Variants in LDAH observed in about 807,000 individuals in gnomAD.
LDAH encodes the protein lipid droplet associated hydrolase, also known as lipid droplet-associated hydrolase.
Under a neutral mutation model 29.6 loss-of-function variants are expected in LDAH, and 26 were observed. The observed-to-expected ratio is 0.88, with a 90% CI of 0.64 to 1.22. LDAH has a LOEUF of 1.22. Ranked by LOEUF, LDAH falls within the 50% of genes most tolerant of loss-of-function variation. The pLI is 0.00. For missense variants in LDAH, 344 were observed against 387.3 expected (o/e 0.89, Z 0.94); for synonymous variants, 117 against 133.0 (o/e 0.88, Z 0.83).
intron 4 of LDAH, 30 bp from the exon 5 acceptor site, chr2:20,740,235 G>T: frequency 6.8e-7 from 1 of 1,481,118 alleles, no homozygotes; most frequent in Non-Finnish European, 9.4e-7. Context: ...TTTGATGAGA[G>T]GTTTTCTTAA....
intron 5 of LDAH, among the ~76,000 whole-genome samples, chr2:20,736,452 T>C (rs1277583667): frequency 6.6e-6 from 1 of 151,506 alleles, no homozygotes; most frequent in Non-Finnish European, 1.5e-5. Flanking sequence ...AAAAAATATA[T>C]AATAATAATA....
At chr2:20,818,722 T>G (rs1673034838) in intron 1 of LDAH, among the ~76,000 whole-genome samples, 1 of 152,132 alleles carries the variant, frequency 6.6e-6, no homozygotes. Flanking sequence ...GCAAAATAAA[T>G]TCTACAGTCT....
intron 3 of LDAH, among the ~76,000 whole-genome samples, chr2:20,777,502 G>A (rs748127101): frequency 1.1e-4 from 16 of 152,086 alleles, no homozygotes; most frequent in Non-Finnish European, 1.9e-4. Context: ...TCAGCTCACT[G>A]CAACCTCCGC....
rs1281711573 is a variant in LDAH at position 20,685,559 on chromosome 2, A to G, written c.*1344T>C. 6.4e-7 allele frequency: 1 copy of G among 1,550,490 alleles called. No individual in the cohort carries two copies. Among genetic ancestry groups the G allele is most frequent in the African/African-American group, 1.4e-5 (1 of 73,170 alleles). On this transcript the variant is annotated 3_prime_UTR_variant, in exon 7 of 7. Coordinates refer to ENST00000237822, the MANE Select transcript of LDAH (RefSeq NM_021925.4). The stretch of plus-strand genomic sequence containing the variant: ...ATTCAGCACTTACCAATAAGTTGGC[A>G]GCAAATCAGAGCCAAATCTTTCATC...
intron 1 of LDAH, among the ~76,000 whole-genome samples, chr2:20,803,774 A>G (rs1243323436): frequency 6.6e-6 from 1 of 152,180 alleles, no homozygotes; most frequent in Non-Finnish European, 1.5e-5. Flanking sequence ...TCCGTCCTTC[A>G]TTGGGTACTT....
chr2:20,811,718 T>C (rs888944125), intron 1 of LDAH, among the ~76,000 whole-genome samples: 27 of 151,994 alleles, frequency 1.8e-4, no homozygotes, highest in Non-Finnish European at 4.4e-5. Context: ...TCTCCTGACC[T>C]CGTGATCCAC....
chr2:20,684,719 C>G lies in LDAH; in HGVS notation c.*2184G>C. 1 of 694,978 alleles carries G rather than the reference C, an allele frequency of 1.4e-6. No individual in the cohort carries two copies. 43.1% of individuals were successfully genotyped at this position (694,978 alleles called of 1,614,324 possible). A position where few individuals can be genotyped will look rare whatever the true frequency, so the allele number is the denominator to read the frequency against. On this transcript the variant is annotated 3_prime_UTR_variant, in exon 7 of 7. Coordinates refer to ENST00000237822, the MANE Select transcript of LDAH (RefSeq NM_021925.4). ...TGGCTGGGAACAGACTAGGAACAAACACGGGTGTGGTCAAAGCTCAATCGC... is the reference window on the plus strand; with the variant it reads ...TGGCTGGGAACAGACTAGGAACAAAGACGGGTGTGGTCAAAGCTCAATCGC...
intron 2 of LDAH, among the ~76,000 whole-genome samples, chr2:20,796,851 T>C (rs1366261295): frequency 2.0e-5 from 3 of 152,198 alleles, no homozygotes; most frequent in Non-Finnish European, 4.4e-5. Flanking sequence ...ATTCAAAACA[T>C]GGTCTCAACT....
intron 3 of LDAH, among the ~76,000 whole-genome samples, chr2:20,777,756 A>G (rs1233661315): frequency 1.3e-5 from 2 of 152,186 alleles, no homozygotes; most frequent in East Asian, 3.8e-4. Context: ...ATATTATTTT[A>G]CTAGCAGAAA....
chr2:20,767,075 C>A (rs1009210682), intron 4 of LDAH, among the ~76,000 whole-genome samples: 6 of 152,218 alleles, frequency 3.9e-5, no homozygotes, highest in Non-Finnish European at 7.4e-5. Flanking sequence ...CTCCCAGCTG[C>A]CCCTGAATGC....
chr2:20,684,965 A>C lies in LDAH; in HGVS notation c.*1938T>G. ...GAGAAAGGTGGCTTTTCACTTTAAA[A>C]GAGAGACTTTGAGCCGAGTCTAACT... On this transcript the variant is annotated 3_prime_UTR_variant, in exon 7 of 7. Transcript: ENST00000237822. The C allele has an allele frequency of 3.9e-6, 6 of 1,548,446 alleles. No individual in the cohort carries two copies. The South Asian group carries it at 7.2e-5, about 19-fold the overall frequency.
At chr2:20,783,796 C>T (rs1670365989) in intron 3 of LDAH, among the ~76,000 whole-genome samples, 3 of 152,180 alleles carry the variant, frequency 2.0e-5, no homozygotes, top group Admixed American at 1.3e-4. Flanking sequence ...ACTGCAGCCT[C>T]AACCTCCCGA....
intron 3 of LDAH, among the ~76,000 whole-genome samples, chr2:20,786,098 T>C (rs1670527948): frequency 6.6e-6 from 1 of 152,234 alleles, no homozygotes; most frequent in Admixed American, 6.5e-5. Context: ...TGCTTAAAGC[T>C]GGACATGATG....
chr2:20,690,945 T>C (rs1425476080), intron 6 of LDAH, among the ~76,000 whole-genome samples: 1 of 152,028 alleles, frequency 6.6e-6, no homozygotes, highest in East Asian at 1.9e-4. Context: ...GAAAAGGAAA[T>C]TGAGGCTTAG....
intron 2 of LDAH, among the ~76,000 whole-genome samples, chr2:20,793,270 G>T (rs1671091324): frequency 6.6e-6 from 1 of 152,074 alleles, no homozygotes; most frequent in Non-Finnish European, 1.5e-5. Flanking sequence ...ATAGAGAAGG[G>T]AAGAGAATAG....
chr2:20,822,346 T>C lies in LDAH; in HGVS notation c.-3+691A>G, dbSNP rs550298825. On this transcript the variant is annotated intron_variant, in intron 1 of 6. Coordinates refer to ENST00000237822, the MANE Select transcript of LDAH (RefSeq NM_021925.4). ...TTTTAGTAAAGATGGGGTTTCACCG[T>C]GTTAGCCAGGATGGTCTCGATCTCC... Among the ~76,000 whole-genome samples the C allele has an allele frequency of 5.9e-5, 9 of 152,212 alleles. No homozygotes were observed. In the South Asian group the frequency reaches 1.5e-3, roughly 25 times the overall value.
chr2:20,688,431 C>T (rs1196257603), intron 6 of LDAH, among the ~76,000 whole-genome samples: 21 of 152,094 alleles, frequency 1.4e-4, no homozygotes, highest in Admixed American at 1.2e-3. Flanking sequence ...AAGGAGGTTG[C>T]GCTTTATCCC....
At chr2:20,729,582 C>A (rs913869168) in intron 5 of LDAH, among the ~76,000 whole-genome samples, 21 of 152,098 alleles carry the variant, frequency 1.4e-4, no homozygotes, top group Admixed American at 2.6e-4. Flanking sequence ...TAATTCAGGC[C>A]GTCAGGATGA....
chr2:20,814,228 ATG>A (rs752558928), intron 1 of LDAH, among the ~76,000 whole-genome samples: 1 of 33,616 alleles, frequency 3.0e-5, no homozygotes, highest in African/African-American at 5.1e-5. Context: ...GAGTCTGACA[ATG>A]GGGGGGGGGG....
Sources: gnomAD v4.1 joint callset for allele counts (sites outside exome capture counted in the v4.1 genomes callset) on GRCh38, gnomAD v4.1.1 for gene constraint, MANE v1.5 for transcripts, NCBI Gene and HGNC (gene_info 2026-07-23, HGNC 2026-07-21) for gene names.